The following CSMD1 variants were observed in gnomAD, a reference collection of about 807,000 sequenced individuals.
The protein encoded by CSMD1 is CUB and sushi domain-containing protein 1.
CSMD1 carries 213 observed loss-of-function variants against 417.5 expected under a neutral mutation model. The observed-to-expected ratio is 0.51, with a 90% CI of 0.46 to 0.57. CSMD1 has a LOEUF of 0.57. CSMD1 is among the 20% of genes least tolerant of loss of function. The pLI is 0.00. For synonymous variants in CSMD1, 2,862 were observed against 1,736.8 expected, an observed-to-expected ratio of 1.65 and a Z score of -16.11; for missense variants, 6,923 against 4,529.7, an observed-to-expected ratio of 1.53 and a Z score of -15.17.
chr8:3,390,683 A>T (rs1811297701), intron 17 of CSMD1, among the ~76,000 whole-genome samples: 1 of 152,198 alleles, frequency 6.6e-6, no homozygotes, highest in South Asian at 2.1e-4. Flanking sequence ...GGTCTTTGCA[A>T]AATAAGTGAC....
At chr8:3,605,906 G>C (rs1366098574) in intron 8 of CSMD1, among the ~76,000 whole-genome samples, 2 of 152,166 alleles carry the variant, frequency 1.3e-5, no homozygotes, top group African/African-American at 4.8e-5. Context: ...ATGAGGTTAT[G>C]TCCATATATC....
At chr8:4,292,638 G>C (rs1204390927) in intron 3 of CSMD1, among the ~76,000 whole-genome samples, 1 of 152,064 alleles carries the variant, frequency 6.6e-6, no homozygotes, top group Non-Finnish European at 1.5e-5. Context: ...CTGTGCCTCA[G>C]TCTTGCATCA....
chr8:4,093,504 G>C (rs975696340), intron 3 of CSMD1, among the ~76,000 whole-genome samples: 1 of 152,172 alleles, frequency 6.6e-6, no homozygotes, highest in African/African-American at 2.4e-5. Context: ...GTTAGCTCAT[G>C]ATTCAAAGGA....
At chr8:4,738,425 G>A (rs973451416) in intron 1 of CSMD1, among the ~76,000 whole-genome samples, 3 of 152,210 alleles carry the variant, frequency 2.0e-5, no homozygotes, top group East Asian at 3.9e-4. Context: ...GCTGAGCGAA[G>A]GGGGAAAAGC....
chr8:4,285,426 A>G (rs755025149), intron 3 of CSMD1, among the ~76,000 whole-genome samples: 6 of 152,242 alleles, frequency 3.9e-5, no homozygotes, highest in South Asian at 2.1e-4. Context: ...TTCTCATAAG[A>G]AACACCTAGA....
intron 12 of CSMD1, among the ~76,000 whole-genome samples, chr8:3,410,786 C>T (rs757122871): frequency 4.6e-5 from 7 of 152,044 alleles, no homozygotes; most frequent in South Asian, 2.1e-4. Context: ...TTGTCCAGGC[C>T]GGAGTGCAGT....
chr8:3,275,515 G>A (rs1031776670), intron 26 of CSMD1, among the ~76,000 whole-genome samples: 7 of 152,182 alleles, frequency 4.6e-5, no homozygotes, highest in African/African-American at 1.7e-4. Flanking sequence ...ATAATATCCT[G>A]CAGAGTGTTT....
chr8:3,270,927 T>A (rs1801800105), intron 26 of CSMD1, among the ~76,000 whole-genome samples: 1 of 138,742 alleles, frequency 7.2e-6, no homozygotes, highest in African/African-American at 2.8e-5. Context: ...TTTTTTAATT[T>A]TTTATTTATT....
chr8:4,539,196 T>C (rs1797256702), intron 2 of CSMD1, among the ~76,000 whole-genome samples: 2 of 152,354 alleles, frequency 1.3e-5, no homozygotes, highest in Admixed American at 1.3e-4. Flanking sequence ...GCAGTATTAC[T>C]GTATTTGAGG....
At chr8:3,564,970 T>C (rs563212078) in intron 10 of CSMD1, among the ~76,000 whole-genome samples, 2 of 149,146 alleles carry the variant, frequency 1.3e-5, no homozygotes, top group African/African-American at 2.5e-5. Flanking sequence ...TAATGATGAA[T>C]AGCTAAGGAA....
intron 26 of CSMD1, among the ~76,000 whole-genome samples, chr8:3,275,433 C>A (rs972317804): frequency 4.6e-5 from 7 of 152,088 alleles, no homozygotes; most frequent in Non-Finnish European, 2.9e-5. Context: ...CGAGGAGTAT[C>A]TTTGTGGCAT....
chr8:4,038,655 T>TAGAGAA (rs1294887736), intron 3 of CSMD1, among the ~76,000 whole-genome samples: 21 of 152,194 alleles, frequency 1.4e-4, no homozygotes, highest in Admixed American at 9.2e-4. Context: ...TTTAATTCTC[T>TAGAGAA]TTATTTATTT....
At chr8:3,114,636 T>C (rs944308488) in intron 42 of CSMD1, among the ~76,000 whole-genome samples, 2 of 151,986 alleles carry the variant, frequency 1.3e-5, no homozygotes, top group Non-Finnish European at 2.9e-5. Flanking sequence ...AAATTGCCGG[T>C]TGGTAATGGA....
chr8:4,108,719 G>C (rs139432072), intron 3 of CSMD1, among the ~76,000 whole-genome samples: 2 of 151,528 alleles, frequency 1.3e-5, no homozygotes, highest in African/African-American at 4.8e-5. Flanking sequence ...AATAAACGAA[G>C]TGTATGCATA....
At chr8:3,140,191 C>T (rs1463193925) in intron 41 of CSMD1, among the ~76,000 whole-genome samples, 2 of 152,116 alleles carry the variant, frequency 1.3e-5, no homozygotes, top group African/African-American at 2.4e-5. Flanking sequence ...GGCGTGAGGC[C>T]ACCACACCCA....
intron 1 of CSMD1, among the ~76,000 whole-genome samples, chr8:4,936,706 C>T: frequency 6.6e-6 from 1 of 152,274 alleles, no homozygotes; most frequent in Middle Eastern, 3.4e-3. Context: ...CACTGTAATT[C>T]ATTAAACATC....
chr8:4,966,445 G>C (rs539710890), intron 1 of CSMD1, among the ~76,000 whole-genome samples: 5 of 152,106 alleles, frequency 3.3e-5, no homozygotes, highest in Non-Finnish European at 5.9e-5. Context: ...ACATTTCCTT[G>C]TTAGGCTAAT....
chr8:4,965,426 T>G (rs1267118175), intron 1 of CSMD1, among the ~76,000 whole-genome samples: 1 of 152,208 alleles, frequency 6.6e-6, no homozygotes, highest in East Asian at 1.9e-4. Flanking sequence ...TTTTTCAATT[T>G]TATAGATAGA....
intron 1 of CSMD1, among the ~76,000 whole-genome samples, chr8:4,828,492 G>A (rs911466344): frequency 6.6e-6 from 1 of 152,064 alleles, no homozygotes; most frequent in Non-Finnish European, 1.5e-5. Flanking sequence ...GAGTGTCTTG[G>A]GGTAAGATCC....
Sources: allele counts gnomAD v4.1 joint callset (sites outside exome capture counted in the v4.1 genomes callset), GRCh38; gene constraint gnomAD v4.1.1; transcripts MANE v1.5; gene names NCBI Gene and HGNC (gene_info 2026-07-23, HGNC 2026-07-21).